UNKL: variants seen among roughly 807,000 people sequenced by gnomAD.
The protein encoded by UNKL is putative E3 ubiquitin-protein ligase UNKL.
In UNKL, 60 loss-of-function variants were observed where a neutral mutation model predicts 78.0. That is an observed-to-expected ratio of 0.77 (90% CI 0.63 to 0.95). UNKL has a LOEUF of 0.95. Among genes scored for constraint, UNKL ranks in the 40% least tolerant of loss-of-function variants. The pLI is 0.00. For synonymous variants in UNKL, 608 were observed against 474.8 expected (o/e 1.28, Z -3.65); for missense variants, 1,159 against 1,045.7 (o/e 1.11, Z -1.49).
chr16:1,395,850 G>C (rs1178843802), intron 6 of UNKL: 7 of 435,006 alleles, frequency 1.6e-5, no homozygotes, highest in Non-Finnish European at 3.3e-5. Flanking sequence ...CCGACACCCA[G>C]AAAGCATGAT....
Position 1,367,286 on chromosome 16 carries a change from C to G in UNKL, c.1852G>C (p.Asp618His). Residue 618 changes from aspartate (D) to histidine (H), a missense_variant, in exon 14 of 15, where the codon GAC becomes CAC. Physicochemically the swap from Asp to His is moderately conservative, Grantham distance 81. Transcript: ENST00000389221. ...TTCTTCTGCAGCGCCAGCTGCCGGT[C>G]GCTATCGGCCACACGGGCACGCTCC... ...AKERARVADS[D>H]RQLALQKKEE... 1.3e-6 allele frequency: 2 copies of G among 1,564,534 alleles called. No homozygotes were observed. The highest frequency in any genetic ancestry group is 8.6e-7 in the Non-Finnish European group (1 of 1,159,512).
Position 1,371,689 on chromosome 16 carries a change from G to A in UNKL, c.1265-78C>T, listed in dbSNP as rs1049043583. 14 of 1,431,730 alleles carry A rather than the reference G, an allele frequency of 9.8e-6. No individual in the cohort carries two copies. In the East Asian group the frequency reaches 1.0e-4, roughly 10 times the overall value. 88.7% of individuals were successfully genotyped at this position (1,431,730 alleles called of 1,614,324 possible). A position where few individuals can be genotyped will look rare whatever the true frequency, so the allele number is the denominator to read the frequency against. ...GGAAGCCTAGCTGAGGAGGACGACCGTCCCACCTGGGCTTAGAGTGAGACC... is the reference window on the plus strand; with the variant it reads ...GGAAGCCTAGCTGAGGAGGACGACCATCCCACCTGGGCTTAGAGTGAGACC... On this transcript the variant is annotated intron_variant, in intron 10 of 14. Coordinates refer to ENST00000389221, the MANE Select transcript of UNKL (RefSeq NM_001372107.1).
intron 4 of UNKL, among the ~76,000 whole-genome samples, chr16:1,400,498 A>G (rs1289495936): frequency 6.9e-6 from 1 of 144,762 alleles, no homozygotes; most frequent in Non-Finnish European, 1.5e-5. Context: ...ATTCACAGAG[A>G]TGGGATGCAG....
Position 1,363,544 on chromosome 16 carries a change from CAA to C in UNKL, c.*2694_*2695del. The C allele has an allele frequency of 4.0e-6, 1 of 247,568 alleles. No homozygotes were observed. Among genetic ancestry groups the C allele is most frequent in the South Asian group, 4.1e-5 (1 of 24,554 alleles). The allele number at this position is 247,568 out of a possible 1,614,324, so 15.3% of individuals were successfully genotyped here. ...CACTAGAGTTACAGACGACAGGCAA[CAA>C]GAACATGCAGAGCCGGCCGCCAGCC... is the stretch of plus-strand genomic sequence containing the variant. On this transcript the variant is annotated 3_prime_UTR_variant, in exon 15 of 15. Transcript: ENST00000389221.
Position 1,403,451 on chromosome 16 carries a change from T to C in UNKL, c.288-107A>G, listed in dbSNP as rs1237071162. 6 of 1,297,764 alleles carry C rather than the reference T, an allele frequency of 4.6e-6. No homozygotes were observed. Among genetic ancestry groups the C allele is most frequent in the Non-Finnish European group, 6.3e-6 (6 of 950,496 alleles). 80.4% of individuals were successfully genotyped at this position (1,297,764 alleles called of 1,614,324 possible). A position where few individuals can be genotyped will look rare whatever the true frequency, so the allele number is the denominator to read the frequency against. On this transcript the variant is annotated intron_variant, in intron 2 of 14. Transcript: ENST00000389221. This position sits in a 1 kb window ranked among gnomAD's most constrained non-coding sequence, Gnocchi z 4.8. ...GCACGTGGCAAGCAGTGAATTCCCT[T>C]CCCTTCTTCCAGATTCCTGTTCTAA...
intron 10 of UNKL, among the ~76,000 whole-genome samples, chr16:1,376,844 C>G (rs572317271): frequency 6.6e-6 from 1 of 152,122 alleles, no homozygotes; most frequent in African/African-American, 2.4e-5. Context: ...ATTTCAGCAC[C>G]GCACAGTAAT....
At chr16:1,406,344 C>T (rs1003737262) in intron 2 of UNKL, among the ~76,000 whole-genome samples, 1 of 152,064 alleles carries the variant, frequency 6.6e-6, no homozygotes, top group Non-Finnish European at 1.5e-5. Flanking sequence ...TCCCGAGTAA[C>T]TGGGATTACA....
chr16:1,411,828 A>C (rs750777871), intron 2 of UNKL: 1 of 152,264 alleles, frequency 6.6e-6, no homozygotes, highest in Non-Finnish European at 1.5e-5. Context: ...CTCAAAACAA[A>C]AACAAAACAA....
At chr16:1,377,837 G>A (rs894045916) in intron 10 of UNKL, among the ~76,000 whole-genome samples, 56 of 152,068 alleles carry the variant, frequency 3.7e-4, no homozygotes, top group African/African-American at 1.3e-3. Context: ...GCTGGAAGCT[G>A]GCACTGCAGG....
rs190826895 is a variant in UNKL at position 1,409,454 on chromosome 16, G to A, written c.287+4392C>T. Among the ~76,000 whole-genome samples the A allele has an allele frequency of 2.2e-3, 328 of 152,206 alleles. 1 individual carries two copies. Among genetic ancestry groups the A allele is most frequent in the Non-Finnish European group, 3.2e-3 (217 of 68,018 alleles). Reference sequence around the variant, plus strand: ...CCTGTCAGACACTTCCTAAAGGGCCGGTCGAAGCAAGTCATTCACACGCTA... The same window carrying A: ...CCTGTCAGACACTTCCTAAAGGGCCAGTCGAAGCAAGTCATTCACACGCTA... On this transcript the variant is annotated intron_variant, in intron 2 of 14. Transcript: ENST00000389221.
At chr16:1,409,062 G>T (rs1432183815) in intron 2 of UNKL, among the ~76,000 whole-genome samples, 1 of 151,880 alleles carries the variant, frequency 6.6e-6, no homozygotes, top group Non-Finnish European at 1.5e-5. Flanking sequence ...GACTACAGGT[G>T]CCCGCCACCA....
chr16:1,367,315 G>T lies in UNKL; in HGVS notation c.1823C>A (p.Ala608Asp). The T allele has an allele frequency of 6.5e-7, 1 of 1,549,078 alleles. No homozygotes were observed. The highest frequency in any genetic ancestry group is 1.9e-5 in the Admixed American group (1 of 52,030). Residue 608 changes from alanine to aspartate, a missense_variant, in exon 14 of 15, where the codon GCC becomes GAC. Ala to Asp is a moderately radical substitution (Grantham distance 126). Transcript: ENST00000389221. Reference protein sequence around the residue: ...CDAWQREAQEAKERARVADSD... With the variant: ...CDAWQREAQEDKERARVADSD... ...ATCGGCCACACGGGCACGCTCCTTG[G>T]CCTCCTGCGCCTCTCGCTGCCAGGC... is the stretch of plus-strand genomic sequence containing the variant.
chr16:1,367,047 C>G, intron 14 of UNKL, 45 bp downstream of exon 14: 1 of 1,477,324 alleles, frequency 6.8e-7, no homozygotes, highest in Non-Finnish European at 9.0e-7. Flanking sequence ...GGACAGCAGC[C>G]CTGCAGGCAG....
chr16:1,385,734 A>G (rs1226634780), intron 9 of UNKL, among the ~76,000 whole-genome samples: 1 of 152,244 alleles, frequency 6.6e-6, no homozygotes, highest in African/African-American at 2.4e-5. Flanking sequence ...CCCGAGGGGC[A>G]AGCCGTGCAG....
intron 4 of UNKL, among the ~76,000 whole-genome samples, chr16:1,400,775 C>T (rs953798157): frequency 1.3e-5 from 2 of 151,924 alleles, no homozygotes; most frequent in African/African-American, 4.8e-5. Flanking sequence ...GCAACCTTCA[C>T]CCCCCGAGTT....
intron 10 of UNKL, among the ~76,000 whole-genome samples, chr16:1,380,982 T>C (rs1567215319): frequency 6.6e-6 from 1 of 152,142 alleles, no homozygotes; most frequent in Non-Finnish European, 1.5e-5. Flanking sequence ...GCTCAGGAAA[T>C]ATTTAAGTAA....
rs560376020 is a variant in UNKL, at chr16:1,394,087, G to A, written c.937+44C>T. The A allele has an allele frequency of 8.3e-4, 1,282 of 1,536,702 alleles. 1 individual carries two copies. Among genetic ancestry groups the A allele is most frequent in the Non-Finnish European group, 1.1e-3 (1,241 of 1,135,342 alleles). On this transcript the variant is annotated intron_variant, in intron 7 of 14. Coordinates refer to ENST00000389221, the MANE Select transcript of UNKL (RefSeq NM_001372107.1). ...AACTCCAGTGAGGGCCTGCAGAGCC[G>A]CGGAACCTGCTAAGGTGAACCTGCC... is the stretch of plus-strand genomic sequence containing the variant.
chr16:1,366,949 G>A (rs1405840628), intron 14 of UNKL, 143 bp downstream of exon 14: 2 of 1,402,822 alleles, frequency 1.4e-6, no homozygotes, highest in Non-Finnish European at 1.9e-6. Context: ...CTGGGGTGGG[G>A]CACCGTCTCC....
intron 10 of UNKL, among the ~76,000 whole-genome samples, chr16:1,380,730 A>C (rs1199530690): frequency 7.5e-6 from 1 of 132,754 alleles, no homozygotes; most frequent in African/African-American, 3.0e-5. Context: ...GCTGGAGTGC[A>C]GTGGCACGAT....
Sources: gnomAD v4.1 joint callset for allele counts (sites outside exome capture counted in the v4.1 genomes callset) on GRCh38, gnomAD v4.1.1 for gene constraint, Gnocchi (gnomAD v3.1) non-coding constraint, MANE v1.5 for transcripts, NCBI Gene and HGNC (gene_info 2026-07-23, HGNC 2026-07-21) for gene names.